Variants in JARID2 observed in about 807,000 individuals in gnomAD.
The protein encoded by JARID2 is jumonji and AT-rich interaction domain containing 2, also known as protein Jumonji.
JARID2 carries 21 observed loss-of-function variants against 125.6 expected under a neutral mutation model. That is an observed-to-expected ratio of 0.17 (90% CI 0.12 to 0.24). The LOEUF (loss-of-function observed/expected upper bound fraction) is 0.24, where lower values mean the gene tolerates loss of function less well. Ranked by LOEUF, JARID2 falls within the 10% of genes least tolerant of loss-of-function variation. The pLI is 1.00. For synonymous variants in JARID2, 736 were observed against 661.6 expected (o/e 1.11, Z -1.73); for missense variants, 1,303 against 1,639.6 (o/e 0.79, Z 3.55).
chr6:15,247,475 T>C, intron 1 of JARID2: 1 of 984,100 alleles, frequency 1.0e-6, no homozygotes, highest in Non-Finnish European at 1.2e-6. Flanking sequence ...ACCGAGGGAT[T>C]AACCAAATAT....
intron 3 of JARID2, among the ~76,000 whole-genome samples, chr6:15,430,432 T>C (rs1766921397): frequency 6.6e-6 from 1 of 152,236 alleles, no homozygotes; most frequent in Non-Finnish European, 1.5e-5. Context: ...GATACTGAGT[T>C]ATTTTCCTGC....
intron 17 of JARID2, among the ~76,000 whole-genome samples, chr6:15,517,774 C>T (rs1771635840): frequency 6.6e-6 from 1 of 152,262 alleles, no homozygotes; most frequent in Non-Finnish European, 1.5e-5. Flanking sequence ...TAACAACACA[C>T]AGCCTGTGCA....
At position 15,470,364 on chromosome 6, in the gene JARID2, G is replaced by A. The variant is rs531141374; in HGVS notation, c.670+1646G>A. On this transcript the variant is annotated intron_variant, in intron 5 of 17. Coordinates refer to ENST00000341776, the MANE Select transcript of JARID2 (RefSeq NM_004973.4). ...GGCGGAAAATCAGTGCTGTCTGTAA[G>A]TGATTGAGGCAAAGGAGAGCTGCTC... 3.9e-3 allele frequency among the ~76,000 whole-genome samples: 589 copies of A among 152,276 alleles called. 4 individuals carry two copies. The highest frequency in any genetic ancestry group is 0.02 in the Middle Eastern group (6 of 294).
chr6:15,297,554 T>G (rs1219956998), intron 1 of JARID2, among the ~76,000 whole-genome samples: 1 of 151,612 alleles, frequency 6.6e-6, no homozygotes, highest in Non-Finnish European at 1.5e-5. Context: ...TTACCCAGGC[T>G]AGTCTTGAAC....
chr6:15,293,860 G>A (rs543050282), intron 1 of JARID2, among the ~76,000 whole-genome samples: 1 of 152,330 alleles, frequency 6.6e-6, no homozygotes, highest in African/African-American at 2.4e-5. Context: ...AACACAAAAG[G>A]GTTGCATGCA....
intron 1 of JARID2, among the ~76,000 whole-genome samples, chr6:15,286,590 G>A (rs1426995289): frequency 2.0e-5 from 3 of 151,768 alleles, no homozygotes; most frequent in African/African-American, 4.8e-5. Context: ...GCAGAGCGTG[G>A]TGGCTCACGC....
intron 2 of JARID2, among the ~76,000 whole-genome samples, chr6:15,374,959 G>A (rs1045197883): frequency 2.6e-5 from 4 of 152,200 alleles, no homozygotes; most frequent in African/African-American, 7.2e-5. Context: ...CAGTTAAAGT[G>A]AATGAATTGA....
intron 1 of JARID2, among the ~76,000 whole-genome samples, chr6:15,261,599 C>T (rs1340595160): frequency 5.9e-5 from 9 of 152,076 alleles, no homozygotes; most frequent in African/African-American, 1.7e-4. Context: ...GGATTACAGG[C>T]GTGAGCCACC....
intron 4 of JARID2, among the ~76,000 whole-genome samples, chr6:15,456,878 C>CTTTTTTTTTTTTTTTTTTTT (rs71535043): frequency 6.3e-5 from 6 of 95,676 alleles, no homozygotes; most frequent in African/African-American, 2.5e-4. Flanking sequence ...GGATGTTAAG[C>CTTTTTTTTTTTTTTTTTTTT]TTTTTTTTTT....
intron 1 of JARID2, among the ~76,000 whole-genome samples, chr6:15,359,309 T>C (rs1300703585): frequency 6.6e-6 from 1 of 152,250 alleles, no homozygotes; most frequent in Non-Finnish European, 1.5e-5. Flanking sequence ...CTGTATACTT[T>C]ACTGTCCCAA....
At chr6:15,276,826 T>G (rs1052629005) in intron 1 of JARID2, among the ~76,000 whole-genome samples, 5 of 152,166 alleles carry the variant, frequency 3.3e-5, no homozygotes, top group Admixed American at 2.0e-4. Flanking sequence ...CAGTGACTGT[T>G]GAGTCATTAC....
intron 1 of JARID2, among the ~76,000 whole-genome samples, chr6:15,314,583 C>CA (rs896697878): frequency 6.6e-6 from 1 of 152,136 alleles, no homozygotes; most frequent in African/African-American, 2.4e-5. Flanking sequence ...ATACATTAGA[C>CA]ATAGTTTAAT....
chr6:15,489,665 C>T (rs1770052259), intron 6 of JARID2, among the ~76,000 whole-genome samples: 1 of 152,264 alleles, frequency 6.6e-6, no homozygotes, highest in Non-Finnish European at 1.5e-5. Context: ...TTCGTGTGAC[C>T]TGTTCCCTGT....
chr6:15,377,576 C>T (rs745879176), intron 2 of JARID2, among the ~76,000 whole-genome samples: 4 of 152,170 alleles, frequency 2.6e-5, no homozygotes, highest in Non-Finnish European at 4.4e-5. Flanking sequence ...AGCGATTATC[C>T]TGTCTCAGCC....
At chr6:15,448,628 C>T (rs1767780080) in intron 3 of JARID2, among the ~76,000 whole-genome samples, 1 of 152,150 alleles carries the variant, frequency 6.6e-6, no homozygotes, top group Non-Finnish European at 1.5e-5. Context: ...AGCAATTTTT[C>T]TAAATATGGC....
chr6:15,491,980 C>G (rs916489089), intron 6 of JARID2, among the ~76,000 whole-genome samples: 2 of 152,246 alleles, frequency 1.3e-5, no homozygotes, highest in African/African-American at 4.8e-5. Flanking sequence ...TGCCAGTACT[C>G]ATCTGGCCGA....
In JARID2 at chr6:15,451,991, C is replaced by A. The variant is rs764376527; in HGVS notation, c.324-15C>A. ...CTCTGCTTAATTTATTTTTAATTTT[C>A]TTTTGCTTTTGCAGGCCCAGGCTGC... On this transcript the variant is annotated splice_polypyrimidine_tract_variant and intron_variant, in intron 3 of 17. Coordinates refer to ENST00000341776, the MANE Select transcript of JARID2 (RefSeq NM_004973.4). 1 of 1,610,004 alleles carries A rather than the reference C, an allele frequency of 6.2e-7. No individual in the cohort carries two copies. Among genetic ancestry groups the A allele is most frequent in the Admixed American group, 1.7e-5 (1 of 59,302 alleles).
At chr6:15,413,012 T>TTG (rs1554133624) in intron 3 of JARID2, among the ~76,000 whole-genome samples, 1,346 of 88,580 alleles carry the variant, frequency 0.015, 72 homozygotes, top group Non-Finnish European at 0.026. Context: ...GTTTTTGTTT[T>TTG]TTTTTTTTTT....
chr6:15,433,450 G>GTGTGTGTA (rs1265838976), intron 3 of JARID2, among the ~76,000 whole-genome samples: 1 of 145,498 alleles, frequency 6.9e-6, no homozygotes, highest in Non-Finnish European at 1.5e-5. Flanking sequence ...GTGTGTGTGT[G>GTGTGTGTA]TATAATTTCA....
Sources: gnomAD v4.1 joint callset for allele counts (sites outside exome capture counted in the v4.1 genomes callset) on GRCh38, gnomAD v4.1.1 for gene constraint, MANE v1.5 for transcripts, NCBI Gene and HGNC (gene_info 2026-07-23, HGNC 2026-07-21) for gene names.